PDGFD: variants seen among roughly 807,000 people sequenced by gnomAD.
PDGFD encodes the protein platelet-derived growth factor D.
Under a neutral mutation model 44.7 loss-of-function variants are expected in PDGFD, and 30 were observed. The observed-to-expected ratio is 0.67, with a 90% CI of 0.50 to 0.91. The LOEUF is 0.91. Ranked by LOEUF, PDGFD falls within the 40% of genes least tolerant of loss-of-function variation. The probability of loss-of-function intolerance (pLI) is 0.00; values close to 1 mark genes in which losing one functional copy is unlikely to be tolerated. For synonymous variants in PDGFD, 173 were observed against 168.4 expected (o/e 1.03, Z -0.21); for missense variants, 445 against 457.8 (o/e 0.97, Z 0.25).
At chr11:103,923,552 C>T (rs1858258515) in intron 6 of PDGFD, among the ~76,000 whole-genome samples, 1 of 152,140 alleles carries the variant, frequency 6.6e-6, no homozygotes, top group Admixed American at 6.6e-5. Context: ...CAACCATGAG[C>T]TGGGGAAACT....
At chr11:103,961,723 C>T (rs1158496171) in intron 3 of PDGFD, among the ~76,000 whole-genome samples, 1 of 152,120 alleles carries the variant, frequency 6.6e-6, no homozygotes, top group Admixed American at 6.6e-5. Flanking sequence ...CTACACAGTT[C>T]AAGGTACTGG....
At chr11:104,091,195 T>G (rs1453695971) in intron 1 of PDGFD, among the ~76,000 whole-genome samples, 1 of 152,220 alleles carries the variant, frequency 6.6e-6, no homozygotes, top group African/African-American at 2.4e-5. Flanking sequence ...TAGAAATAGT[T>G]TCACAAATGG....
At chr11:103,947,751 T>G in intron 3 of PDGFD, 27 bp from the exon 4 acceptor site, 2 of 1,574,972 alleles carry the variant, frequency 1.3e-6, no homozygotes, top group Non-Finnish European at 1.7e-6. Flanking sequence ...CATCTGTGAG[T>G]CAGTCAAACC....
At chr11:103,941,008 T>C (rs1858575182) in intron 5 of PDGFD, among the ~76,000 whole-genome samples, 1 of 152,126 alleles carries the variant, frequency 6.6e-6, no homozygotes, top group South Asian at 2.1e-4. Context: ...ATTAGTAATA[T>C]ATTCCATCCC....
At chr11:103,992,826 A>G (rs781029715) in intron 3 of PDGFD, among the ~76,000 whole-genome samples, 1 of 152,226 alleles carries the variant, frequency 6.6e-6, no homozygotes, top group African/African-American at 2.4e-5. Flanking sequence ...AACCATGTAG[A>G]TGTGATTCCA....
chr11:103,923,029 A>G (rs1482404265), intron 6 of PDGFD, among the ~76,000 whole-genome samples: 1 of 152,238 alleles, frequency 6.6e-6, no homozygotes, highest in African/African-American at 2.4e-5. Flanking sequence ...AACTTACTGT[A>G]AAAAATTATC....
intron 1 of PDGFD, among the ~76,000 whole-genome samples, chr11:104,153,135 T>C (rs1166330471): frequency 1.3e-5 from 2 of 152,132 alleles, no homozygotes; most frequent in African/African-American, 4.8e-5. Flanking sequence ...TTACTTCCTA[T>C]CTTGTTCAAC....
intron 3 of PDGFD, among the ~76,000 whole-genome samples, chr11:103,950,069 C>A (rs577494200): frequency 6.6e-6 from 1 of 152,008 alleles, no homozygotes; most frequent in South Asian, 2.1e-4. Context: ...GAGAATGGAC[C>A]GCATGAGAGA....
At chr11:103,980,624 C>G (rs1228222290) in intron 3 of PDGFD, among the ~76,000 whole-genome samples, 1 of 151,984 alleles carries the variant, frequency 6.6e-6, no homozygotes, top group African/African-American at 2.4e-5. Flanking sequence ...GCCAAGGCCT[C>G]TTAAAGGACC....
At position 104,087,312 on chromosome 11, in the gene PDGFD, C is replaced by G. The variant is rs113869795; in HGVS notation, c.124+76492G>C. Among the ~76,000 whole-genome samples the G allele has an allele frequency of 4.5e-3, 683 of 151,858 alleles. 6 individuals carry two copies. Among genetic ancestry groups the G allele is most frequent in the African/African-American group, 0.016 (651 of 41,400 alleles). ...CCAGGTTCAAGTGATTCTCCTGCCT[C>G]GGCCTCCTGCCTCAGCCTTCCGAGT... On this transcript the variant is annotated intron_variant, in intron 1 of 6. Transcript: ENST00000393158.
intron 6 of PDGFD, among the ~76,000 whole-genome samples, chr11:103,910,174 T>C (rs750427616): frequency 4.6e-5 from 7 of 152,200 alleles, no homozygotes; most frequent in South Asian, 2.1e-4. Flanking sequence ...GACCAAGGCA[T>C]GTGTTATAGA....
rs1174925650 is a variant in PDGFD, at chr11:103,984,978, A to G, written c.510+11087T>C. ...TTTAATATAGTTATATTTATTTAAT[A>G]TATAACATATTAATTTAATATGTTA... On this transcript the variant is annotated intron_variant, in intron 3 of 6. Transcript: ENST00000393158. Among the ~76,000 whole-genome samples, 3 of 120,274 alleles carry G rather than the reference A, an allele frequency of 2.5e-5. 1 individual carries two copies. Among genetic ancestry groups the G allele is most frequent in the African/African-American group, 9.5e-5 (3 of 31,588 alleles). 78.9% of individuals were successfully genotyped at this position (120,274 alleles called of 152,430 possible). A position where few individuals can be genotyped will look rare whatever the true frequency, so the allele number is the denominator to read the frequency against.
intron 3 of PDGFD, among the ~76,000 whole-genome samples, chr11:103,971,058 G>T (rs1161422515): frequency 6.6e-6 from 1 of 152,150 alleles, no homozygotes; most frequent in Admixed American, 6.5e-5. Context: ...GGAGAGTCAT[G>T]TGTTTTAAAT....
At chr11:103,955,754 C>G (rs1296837683) in intron 3 of PDGFD, among the ~76,000 whole-genome samples, 2 of 152,070 alleles carry the variant, frequency 1.3e-5, no homozygotes, top group African/African-American at 4.8e-5. Flanking sequence ...ACAAGAAGCC[C>G]TGGATAGGAG....
At chr11:104,095,028 C>CT (rs1247362671) in intron 1 of PDGFD, among the ~76,000 whole-genome samples, 6 of 152,002 alleles carry the variant, frequency 3.9e-5, no homozygotes, top group Non-Finnish European at 7.4e-5. Context: ...TCTGCCTAAA[C>CT]TTTTTTTTCC....
Position 104,014,392 on chromosome 11 carries a change from G to A in PDGFD, c.125-14137C>T, listed in dbSNP as rs1859829735. ...GCACCTGCAGTACCAGTGACTTGGG[G>A]AGCTGAGGCTGGAGGACTGCTTAAG... On this transcript the variant is annotated intron_variant, in intron 1 of 6. Transcript: ENST00000393158. 2.0e-5 allele frequency among the ~76,000 whole-genome samples: 3 copies of A among 152,260 alleles called. No homozygotes were observed. The South Asian group carries it at 6.2e-4, about 32-fold the overall frequency.
intron 1 of PDGFD, among the ~76,000 whole-genome samples, chr11:104,093,662 C>T (rs909632426): frequency 2.0e-5 from 3 of 151,950 alleles, no homozygotes; most frequent in African/African-American, 7.2e-5. Flanking sequence ...TAGCCAATGA[C>T]TCTAAGTTTC....
In PDGFD at chr11:103,981,609, T is replaced by A. The variant is rs559402961; in HGVS notation, c.510+14456A>T. Among the ~76,000 whole-genome samples the A allele has an allele frequency of 2.0e-5, 3 of 151,930 alleles. No homozygotes were observed. The South Asian group carries it at 6.2e-4, about 31-fold the overall frequency. ...TAGACAGTTTAATTGACACTCTAGA[T>A]CTCATAGATAATACACAGATTTGAA... On this transcript the variant is annotated intron_variant, in intron 3 of 6. Transcript: ENST00000393158.
chr11:103,956,880 A>G (rs1858859324), intron 3 of PDGFD, among the ~76,000 whole-genome samples: 1 of 152,126 alleles, frequency 6.6e-6, no homozygotes, highest in Non-Finnish European at 1.5e-5. Context: ...GTGTCTGTTC[A>G]TATCCTTCAC....
Sources: gnomAD v4.1 joint callset for allele counts (sites outside exome capture counted in the v4.1 genomes callset) on GRCh38, gnomAD v4.1.1 for gene constraint, MANE v1.5 for transcripts, NCBI Gene and HGNC (gene_info 2026-07-23, HGNC 2026-07-21) for gene names.